Variants in GPBP1 observed in about 807,000 individuals in gnomAD.
GPBP1 encodes GC-rich promoter binding protein 1, also known as vasculin.
A neutral mutation model predicts 56.5 loss-of-function variants in GPBP1; 13 were observed. That is an observed-to-expected ratio of 0.23 (90% CI 0.15 to 0.37). The LOEUF (loss-of-function observed/expected upper bound fraction) is 0.37, where lower values mean the gene tolerates loss of function less well. Among genes scored for constraint, GPBP1 ranks in the 10% least tolerant of loss-of-function variants. The probability of loss-of-function intolerance (pLI) is 1.00; values close to 1 mark genes in which losing one functional copy is unlikely to be tolerated. For missense variants in GPBP1, 477 were observed against 572.3 expected (o/e 0.83, Z 1.70); for synonymous variants, 204 against 188.9 (o/e 1.08, Z -0.66).
intron 2 of GPBP1, among the ~76,000 whole-genome samples, chr5:57,192,491 C>T (rs770180224): frequency 2.0e-5 from 3 of 151,874 alleles, no homozygotes; most frequent in Non-Finnish European, 2.9e-5. Flanking sequence ...CGGTGGCTCA[C>T]GCCTGTAATC....
intron 2 of GPBP1, among the ~76,000 whole-genome samples, chr5:57,194,836 C>CT (rs1346246041): frequency 6.6e-6 from 1 of 152,048 alleles, no homozygotes; most frequent in Non-Finnish European, 1.5e-5. Flanking sequence ...GGATTTTGTT[C>CT]TTTTTTATGA....
chr5:57,190,127 AAG>A (rs1477517932), intron 2 of GPBP1, among the ~76,000 whole-genome samples: 2 of 148,764 alleles, frequency 1.3e-5, no homozygotes, highest in African/African-American at 4.8e-5. Flanking sequence ...TGCACAGTAA[AAG>A]AACTATTAAC....
chr5:57,203,740 AAAATGGAAGTTTTC>A (rs1389592299), intron 2 of GPBP1, among the ~76,000 whole-genome samples: 2 of 152,236 alleles, frequency 1.3e-5, no homozygotes, highest in Non-Finnish European at 2.9e-5. Flanking sequence ...GAGGAACATT[AAAATGGAAGTTTTC>A]AAATGTTGGG....
In GPBP1 at chr5:57,181,434, CA is replaced by C. The variant is rs11417693; in HGVS notation, c.-58+5048del. 2.6e-3 allele frequency among the ~76,000 whole-genome samples: 346 copies of C among 131,742 alleles called. 3 individuals carry two copies. Among genetic ancestry groups the C allele is most frequent in the Admixed American group, 3.9e-3 (51 of 13,056 alleles). The allele number at this position is 131,742 out of a possible 152,430, so 86.4% of individuals were successfully genotyped here. On this transcript the variant is annotated intron_variant, in intron 2 of 11. Coordinates refer to ENST00000506184, the MANE Select transcript of GPBP1 (RefSeq NM_022913.4). ...CCAGCTTGGGGTGACAAGACTGTGT[CA>C]AAAAAAAAAAAAAGAACCTCTGACA...
chr5:57,201,226 C>T (rs189017570), intron 2 of GPBP1, among the ~76,000 whole-genome samples: 4 of 152,270 alleles, frequency 2.6e-5, no homozygotes, highest in East Asian at 3.9e-4. Flanking sequence ...TGCCCAGGCT[C>T]GTGATCCTTC....
At chr5:57,238,686 T>TTAA (rs1271404990) in intron 6 of GPBP1, among the ~76,000 whole-genome samples, 2 of 152,228 alleles carry the variant, frequency 1.3e-5, no homozygotes, top group Non-Finnish European at 2.9e-5. Flanking sequence ...TAACATTTAC[T>TTAA]TAAGATATTA....
Position 57,231,092 on chromosome 5 carries a change from A to T in GPBP1, c.188-6A>T. On this transcript the variant is annotated splice_region_variant and splice_polypyrimidine_tract_variant and intron_variant, in intron 4 of 11. Transcript: ENST00000506184. ...ATTTATATTACTTTGCTATTATCAA[A>T]TAAAGGTAACTTTGGAAGGAAAGAA... is the stretch of plus-strand genomic sequence containing the variant. 1 of 1,609,634 alleles carries T rather than the reference A, an allele frequency of 6.2e-7. No individual in the cohort carries two copies. Among genetic ancestry groups the T allele is most frequent in the Non-Finnish European group, 8.5e-7 (1 of 1,177,740 alleles).
At chr5:57,261,005 T>C (rs1042944791) in intron 10 of GPBP1, among the ~76,000 whole-genome samples, 175 bp from the exon 11 acceptor site, 2 of 152,204 alleles carry the variant, frequency 1.3e-5, no homozygotes, top group Admixed American at 1.3e-4. Context: ...TAATCTTACC[T>C]GTTTATTCAT....
chr5:57,220,051 C>G (rs865837168), intron 3 of GPBP1, among the ~76,000 whole-genome samples: 1 of 80,056 alleles, frequency 1.2e-5, no homozygotes, highest in Non-Finnish European at 2.5e-5. Context: ...GACCCTGTCT[C>G]AAAAAAAAAA....
chr5:57,211,606 G>A (rs1333991311), intron 2 of GPBP1, among the ~76,000 whole-genome samples: 1 of 152,120 alleles, frequency 6.6e-6, no homozygotes, highest in Non-Finnish European at 1.5e-5. Context: ...TGTTGTTGGA[G>A]ATGGAGTTTC....
chr5:57,262,459 G>T (rs1336179367), intron 11 of GPBP1, 135 bp from the exon 12 acceptor site: 3 of 678,600 alleles, frequency 4.4e-6, no homozygotes, highest in African/African-American at 1.8e-5. Context: ...TCTGGATCCA[G>T]AATTTTTTCA....
At chr5:57,244,726 GA>G (rs1322712253) in intron 6 of GPBP1, among the ~76,000 whole-genome samples, 7 of 127,334 alleles carry the variant, frequency 5.5e-5, no homozygotes, top group African/African-American at 1.5e-4. Context: ...CTTTGTTTGA[GA>G]TTTTTTTTTT....
At chr5:57,224,225 C>A (rs528006524) in intron 3 of GPBP1, among the ~76,000 whole-genome samples, 1 of 151,244 alleles carries the variant, frequency 6.6e-6, no homozygotes, top group East Asian at 2.0e-4. Flanking sequence ...TAGCTTGGTG[C>A]AACCTGGAAC....
intron 2 of GPBP1, among the ~76,000 whole-genome samples, chr5:57,187,782 G>A (rs1023584483): frequency 5.3e-5 from 8 of 152,046 alleles, no homozygotes; most frequent in African/African-American, 1.7e-4. Context: ...GGTCACAGGT[G>A]ATAGTGGTTG....
intron 6 of GPBP1, chr5:57,237,235 C>A: frequency 9.4e-7 from 1 of 1,060,870 alleles, no homozygotes; most frequent in Non-Finnish European, 1.4e-6. Flanking sequence ...ATAGAACCAC[C>A]TGGAAGGTGT....
intron 3 of GPBP1, among the ~76,000 whole-genome samples, chr5:57,228,142 C>A (rs776683036): frequency 6.6e-6 from 1 of 152,148 alleles, no homozygotes; most frequent in East Asian, 1.9e-4. Context: ...TTCATTAAAA[C>A]CACCTATATA....
rs2111986274 is a variant in GPBP1 at position 57,263,626 on chromosome 5, CA to C, written c.*875del. 1 of 152,234 alleles carries C rather than the reference CA, an allele frequency of 6.6e-6. No individual in the cohort carries two copies. The highest frequency in any genetic ancestry group is 2.1e-4 in the South Asian group (1 of 4,822). 9.4% of individuals were successfully genotyped at this position (152,234 alleles called of 1,614,324 possible). A position where few individuals can be genotyped will look rare whatever the true frequency, so the allele number is the denominator to read the frequency against. The stretch of plus-strand genomic sequence containing the variant: ...TAGTGTTCAAGGTATTGTTTCTAAA[CA>C]TAAACATACTCTAAACATGCTTTAT... On this transcript the variant is annotated 3_prime_UTR_variant, in exon 12 of 12. Coordinates refer to ENST00000506184, the MANE Select transcript of GPBP1 (RefSeq NM_022913.4).
At chr5:57,229,060 G>A (rs552100157) in intron 3 of GPBP1, among the ~76,000 whole-genome samples, 51 of 151,480 alleles carry the variant, frequency 3.4e-4, no homozygotes, top group South Asian at 4.2e-4. Context: ...ATCAAACCCC[G>A]TTTCTACTAA....
chr5:57,234,370 A>C (rs1756582261), intron 5 of GPBP1, among the ~76,000 whole-genome samples: 2 of 152,200 alleles, frequency 1.3e-5, no homozygotes, highest in Admixed American at 6.5e-5. Flanking sequence ...ATAATCCTGA[A>C]TATCACTTGT....
Sources: allele counts gnomAD v4.1 joint callset (sites outside exome capture counted in the v4.1 genomes callset), GRCh38; gene constraint gnomAD v4.1.1; transcripts MANE v1.5; gene names NCBI Gene and HGNC (gene_info 2026-07-23, HGNC 2026-07-21).